Variants in CUL5 observed in about 807,000 individuals in gnomAD.
The protein encoded by CUL5 is cullin-5.
Under a neutral mutation model 108.8 loss-of-function variants are expected in CUL5, and 26 were observed. The ratio of observed to expected loss-of-function variants is 0.24; its 90% CI spans 0.18 to 0.33. The LOEUF is 0.33. CUL5 is among the 10% of genes least tolerant of loss of function. The pLI is 1.00. For missense variants in CUL5, 524 were observed against 909.2 expected, an observed-to-expected ratio of 0.58 and a Z score of 5.45; for synonymous variants, 334 against 298.0, an observed-to-expected ratio of 1.12 and a Z score of -1.25.
Position 108,029,279 on chromosome 11 carries a change from G to A in CUL5, c.25-4523G>A, listed in dbSNP as rs988261356. Among the ~76,000 whole-genome samples the A allele has an allele frequency of 4.6e-5, 7 of 152,272 alleles. 1 individual carries two copies. Among genetic ancestry groups the A allele is most frequent in the Admixed American group, 3.9e-4 (6 of 15,300 alleles). On this transcript the variant is annotated intron_variant, in intron 1 of 18. Coordinates refer to ENST00000393094, the MANE Select transcript of CUL5 (RefSeq NM_003478.6). ...CCACGGCCCATTTGTGTGAGAAGAA[G>A]AGTGCCTGTGAAGGGATTAGTTGTG...
At chr11:108,061,917 A>G (rs1015395669) in intron 7 of CUL5, among the ~76,000 whole-genome samples, 3 of 151,102 alleles carry the variant, frequency 2.0e-5, no homozygotes, top group African/African-American at 7.4e-5. Flanking sequence ...GAGAGAGAGA[A>G]TGTGCAGGAG....
At chr11:108,088,727 A>G in intron 12 of CUL5, 68 bp downstream of exon 12, 1 of 1,239,878 alleles carries the variant, frequency 8.1e-7, no homozygotes, top group East Asian at 2.5e-5. Flanking sequence ...TGCTTATAGG[A>G]CTTTCTGTGA....
chr11:108,013,207 C>T (rs191625555), intron 1 of CUL5, among the ~76,000 whole-genome samples: 73 of 152,222 alleles, frequency 4.8e-4, no homozygotes, highest in Middle Eastern at 3.4e-3. Flanking sequence ...TCTCAAATCA[C>T]GTTTGTTTTT....
chr11:108,052,864 A>G, intron 5 of CUL5, 63 bp downstream of exon 5: 5 of 1,413,638 alleles, frequency 3.5e-6, no homozygotes, highest in Non-Finnish European at 3.8e-6. Context: ...CAATTATGGA[A>G]TAGCACAATC....
At chr11:108,014,834 A>G (rs960470205) in intron 1 of CUL5, among the ~76,000 whole-genome samples, 3 of 152,234 alleles carry the variant, frequency 2.0e-5, no homozygotes, top group African/African-American at 7.2e-5. Context: ...AAGTTGTGAT[A>G]GGTACTATGA....
chr11:108,063,293 C>T (rs987321648), intron 7 of CUL5, among the ~76,000 whole-genome samples: 4 of 152,180 alleles, frequency 2.6e-5, no homozygotes, highest in African/African-American at 7.2e-5. Flanking sequence ...TGAGTGAGAT[C>T]GTGTGAAGTT....
At chr11:108,098,053 GTTTCGTTTTTGT>G (rs1330597478) in intron 17 of CUL5, among the ~76,000 whole-genome samples, 10 of 151,416 alleles carry the variant, frequency 6.6e-5, no homozygotes, top group Admixed American at 1.3e-4. Context: ...GTGTTGTTTT[GTTTCGTTTTTGT>G]TTTTGTTTTT....
chr11:108,098,467 A>G lies in CUL5; in HGVS notation c.2086A>G (p.Thr696Ala), dbSNP rs368892658. 21 of 1,603,586 alleles carry G rather than the reference A, an allele frequency of 1.3e-5. No individual in the cohort carries two copies. The highest frequency in any genetic ancestry group is 1.7e-5 in the Non-Finnish European group (20 of 1,175,324). ...INLIGRLQLTTERMREEENEG... is the reference protein window; with the variant it reads ...INLIGRLQLTAERMREEENEG... ...CTTGATTGGACGTTTGCAGCTCACT[A>G]CAGAAAGGATGAGAGAAGAAGAGAA... Residue 696 changes from threonine to alanine, a missense_variant, in exon 18 of 19, where the codon ACA becomes GCA. By Grantham distance (58) the Thr-to-Ala change is moderately conservative (BLOSUM62 0). This residue lies in a region of CUL5 where 66 missense variants were observed against 81.4 expected (regional missense o/e 0.81). Transcript: ENST00000393094.
rs549889345 is a variant in CUL5, at chr11:108,094,272, T to C, written c.1444-119T>C. On this transcript the variant is annotated intron_variant, in intron 13 of 18. Transcript: ENST00000393094. ...TAGGTATTAGACAATAAAATTCTAA[T>C]AAATGAGAAAAATTTTGTATTAAAA... 25 of 764,412 alleles carry C rather than the reference T, an allele frequency of 3.3e-5. No homozygotes were observed. The East Asian group carries it at 7.1e-4, about 22-fold the overall frequency. 47.4% of individuals were successfully genotyped at this position (764,412 alleles called of 1,614,324 possible). A position where few individuals can be genotyped will look rare whatever the true frequency, so the allele number is the denominator to read the frequency against.
At chr11:108,059,542 T>A (rs1863481589) in intron 7 of CUL5, among the ~76,000 whole-genome samples, 1 of 152,148 alleles carries the variant, frequency 6.6e-6, no homozygotes, top group African/African-American at 2.4e-5. Flanking sequence ...TGTCTGCGTT[T>A]TGGCAAGTTA....
chr11:108,065,003 A>G (rs1383240777), intron 7 of CUL5, among the ~76,000 whole-genome samples: 5 of 151,696 alleles, frequency 3.3e-5, no homozygotes, highest in African/African-American at 1.2e-4. Flanking sequence ...GAGAAATTTT[A>G]TTTCATTTTA....
chr11:108,090,068 A>G (rs1864313744), intron 13 of CUL5, among the ~76,000 whole-genome samples: 1 of 151,992 alleles, frequency 6.6e-6, no homozygotes, highest in African/African-American at 2.4e-5. Flanking sequence ...CATCAATTAT[A>G]TAAAATAAAG....
chr11:108,012,901 C>G (rs551278127), intron 1 of CUL5, among the ~76,000 whole-genome samples: 2 of 152,126 alleles, frequency 1.3e-5, no homozygotes, highest in Non-Finnish European at 2.9e-5. Context: ...TCTGCCTCCT[C>G]ATACAAACTT....
chr11:108,025,603 C>G (rs184442878), intron 1 of CUL5, among the ~76,000 whole-genome samples: 83 of 152,290 alleles, frequency 5.5e-4, no homozygotes, highest in African/African-American at 1.9e-3. Context: ...TCCACTCTGG[C>G]TGGTAGCAAC....
chr11:108,089,097 A>T lies in CUL5; in HGVS notation c.1312-395A>T, dbSNP rs576292361. Reference sequence around the variant, plus strand: ...GTAATGATGTAAGCCCAGGAATACAAACAAGAAAAAAAATAAGATATTGGG... The same window carrying T: ...GTAATGATGTAAGCCCAGGAATACATACAAGAAAAAAAATAAGATATTGGG... On this transcript the variant is annotated intron_variant, in intron 12 of 18. Transcript: ENST00000393094. 1.5e-4 allele frequency among the ~76,000 whole-genome samples: 23 copies of T among 152,268 alleles called. No individual in the cohort carries two copies. In the East Asian group the frequency reaches 4.4e-3, roughly 29 times the overall value.
At chr11:108,009,425 C>G (rs1412855394) in intron 1 of CUL5, 53 bp downstream of exon 1, 2 of 1,601,566 alleles carry the variant, frequency 1.2e-6, no homozygotes, top group African/African-American at 1.3e-5. Context: ...GGGTTCGGCT[C>G]TTTGGGAAAG....
chr11:108,032,208 C>T (rs1862605456), intron 1 of CUL5, among the ~76,000 whole-genome samples: 1 of 152,068 alleles, frequency 6.6e-6, no homozygotes, highest in Non-Finnish European at 1.5e-5. Context: ...AATTTACTGG[C>T]CAAAACAAAC....
At chr11:108,055,022 T>C in intron 7 of CUL5, 67 bp downstream of exon 7, 1 of 1,059,594 alleles carries the variant, frequency 9.4e-7, no homozygotes, top group East Asian at 2.5e-5. Flanking sequence ...GAATGGCAAA[T>C]AAACAACATA....
chr11:108,065,878 GCTCCACTC>G (rs1863664799), intron 7 of CUL5, among the ~76,000 whole-genome samples: 1 of 152,044 alleles, frequency 6.6e-6, no homozygotes, highest in African/African-American at 2.4e-5. Flanking sequence ...TGGCCATCTT[GCTCCACTC>G]CTCTATTTTT....
Sources: gnomAD v4.1 joint callset for allele counts (sites outside exome capture counted in the v4.1 genomes callset) on GRCh38, gnomAD v4.1.1 for gene constraint, gnomAD v4.1.1 regional missense constraint, MANE v1.5 for transcripts, NCBI Gene and HGNC (gene_info 2026-07-23, HGNC 2026-07-21) for gene names.